The following CRB1 variants were observed in gnomAD, a reference collection of about 807,000 sequenced individuals.
CRB1 encodes protein crumbs homolog 1.
Under a neutral mutation model 120.0 loss-of-function variants are expected in CRB1, and 83 were observed. The observed-to-expected ratio is 0.69, with a 90% confidence interval of 0.58 to 0.83. CRB1 has a LOEUF of 0.83. Among genes scored for constraint, CRB1 ranks in the 40% least tolerant of loss-of-function variants. The probability of loss-of-function intolerance (pLI) is 0.00; values close to 1 mark genes in which losing one functional copy is unlikely to be tolerated. For synonymous variants in CRB1, 625 were observed against 612.5 expected (o/e 1.02, Z -0.30); for missense variants, 1,699 against 1,687.6 (o/e 1.01, Z -0.12).
At chr1:197,451,794 A>G (rs763295052) in intron 11 of CRB1, among the ~76,000 whole-genome samples, 1 of 152,230 alleles carries the variant, frequency 6.6e-6, no homozygotes, top group Admixed American at 6.5e-5. Context: ...TTAATGTCAT[A>G]TGGTAAAATA....
At chr1:197,368,862 C>A (rs1461672976) in intron 5 of CRB1, among the ~76,000 whole-genome samples, 2 of 152,150 alleles carry the variant, frequency 1.3e-5, no homozygotes, top group Non-Finnish European at 2.9e-5. Flanking sequence ...TCATTAAAGT[C>A]TTGAGGTGCT....
the CRB1 span, among the ~76,000 whole-genome samples, chr1:197,260,984 C>G: frequency 1.3e-5 from 2 of 152,090 alleles, no homozygotes; most frequent in Non-Finnish European, 2.9e-5. Context: ...CGTGAGCCAC[C>G]GCGCCCGGCC....
chr1:197,223,367 C>G, the CRB1 span: 1 of 508,980 alleles, frequency 2.0e-6, no homozygotes, highest in South Asian at 2.3e-5. Flanking sequence ...ATTAAAACCT[C>G]ACATTTCTTC....
intron 1 of CRB1, among the ~76,000 whole-genome samples, chr1:197,317,647 A>G (rs1657933559): frequency 6.6e-6 from 1 of 152,164 alleles, no homozygotes; most frequent in South Asian, 2.1e-4. Flanking sequence ...ATAAAAATAG[A>G]CACATAGACT....
At chr1:197,327,161 A>AG (rs1431225158) in intron 1 of CRB1, among the ~76,000 whole-genome samples, 2 of 148,650 alleles carry the variant, frequency 1.3e-5, no homozygotes, top group African/African-American at 4.9e-5. Flanking sequence ...GAGGCAGAGC[A>AG]GGCCTGGTAC....
the CRB1 span, among the ~76,000 whole-genome samples, chr1:197,257,312 ATCT>A: frequency 6.6e-6 from 1 of 152,230 alleles, no homozygotes; most frequent in South Asian, 2.1e-4. Context: ...GAGAGGGCAG[ATCT>A]TCTTTACTCA....
chr1:197,388,239 C>T (rs1287407924), intron 5 of CRB1, among the ~76,000 whole-genome samples: 1 of 151,984 alleles, frequency 6.6e-6, no homozygotes, highest in Non-Finnish European at 1.5e-5. Context: ...AGGATATGAG[C>T]TACTTTAAGT....
chr1:197,389,136 G>A (rs1662363735), intron 5 of CRB1, among the ~76,000 whole-genome samples: 1 of 152,008 alleles, frequency 6.6e-6, no homozygotes. Flanking sequence ...GAAATGCTGT[G>A]GAAAACAGCA....
At chr1:197,409,129 G>GTA (rs1345444605) in intron 5 of CRB1, among the ~76,000 whole-genome samples, 2 of 152,202 alleles carry the variant, frequency 1.3e-5, no homozygotes, top group South Asian at 4.1e-4. Context: ...TGGAGAGTGT[G>GTA]TATATGTATC....
chr1:197,366,373 A>T (rs1406163744), intron 5 of CRB1, among the ~76,000 whole-genome samples: 1 of 152,176 alleles, frequency 6.6e-6, no homozygotes, highest in African/African-American at 2.4e-5. Context: ...GTATTTGTGC[A>T]TAGTACATTT....
At chr1:197,405,817 G>C (rs1002253832) in intron 5 of CRB1, among the ~76,000 whole-genome samples, 2 of 152,062 alleles carry the variant, frequency 1.3e-5, no homozygotes, top group Admixed American at 1.3e-4. Context: ...CCCCGTCTGA[G>C]AAGTGAGGAG....
chr1:197,383,513 ACT>A (rs1216049225), intron 5 of CRB1, among the ~76,000 whole-genome samples: 1 of 152,076 alleles, frequency 6.6e-6, no homozygotes, highest in Non-Finnish European at 1.5e-5. Flanking sequence ...TACTTAAGAT[ACT>A]CTTTGTTGAA....
intron 1 of CRB1, among the ~76,000 whole-genome samples, chr1:197,294,841 G>T (rs1245857440): frequency 6.6e-6 from 1 of 152,032 alleles, no homozygotes; most frequent in Non-Finnish European, 1.5e-5. Context: ...TCACTCATAG[G>T]CGGGAATTGA....
intron 5 of CRB1, among the ~76,000 whole-genome samples, chr1:197,383,655 A>G (rs1325319686): frequency 6.6e-6 from 1 of 152,088 alleles, no homozygotes; most frequent in African/African-American, 2.4e-5. Context: ...GACTCATGAT[A>G]TTTCTCTTTC....
intron 6 of CRB1, among the ~76,000 whole-genome samples, chr1:197,426,787 T>C (rs2125481917): frequency 6.6e-6 from 1 of 152,256 alleles, no homozygotes; most frequent in South Asian, 2.1e-4. Flanking sequence ...ATGTGAGATG[T>C]CATCCCAAGA....
At chr1:197,412,125 TG>T (rs1406608653) in intron 5 of CRB1, among the ~76,000 whole-genome samples, 3 of 152,260 alleles carry the variant, frequency 2.0e-5, no homozygotes, top group Non-Finnish European at 2.9e-5. Context: ...GGAACAGGCA[TG>T]GGACATGCTG....
intron 1 of CRB1, among the ~76,000 whole-genome samples, chr1:197,306,919 T>A (rs1429413877): frequency 6.6e-6 from 1 of 152,224 alleles, no homozygotes; most frequent in Non-Finnish European, 1.5e-5. Flanking sequence ...TTGTTAGTTG[T>A]GTTTCTTAGC....
rs531595381 is a variant in CRB1, at chr1:197,445,836, G to T, written c.4005+3544G>T. 1.1e-4 allele frequency among the ~76,000 whole-genome samples: 17 copies of T among 152,238 alleles called. No individual in the cohort carries two copies. In the South Asian group the frequency reaches 3.5e-3, roughly 32 times the overall value. ...TTTGCCATACTGTATACTAGGTCCT[G>T]GGAATAGAACTATGATTTAGACACA... On this transcript the variant is annotated intron_variant, in intron 11 of 11. Transcript: ENST00000367400.
chr1:197,455,986 T>C (rs1666266516), intron 11 of CRB1, among the ~76,000 whole-genome samples: 1 of 152,150 alleles, frequency 6.6e-6, no homozygotes, highest in Non-Finnish European at 1.5e-5. Flanking sequence ...TTTGATGTTT[T>C]GGAAATTATA....
Sources: allele counts gnomAD v4.1 joint callset (sites outside exome capture counted in the v4.1 genomes callset), GRCh38; gene constraint gnomAD v4.1.1; transcripts MANE v1.5; gene names NCBI Gene and HGNC (gene_info 2026-07-23, HGNC 2026-07-21).